LANCL2: variants seen among roughly 807,000 people sequenced by gnomAD.
The protein encoded by LANCL2 is lanC-like protein 2.
LANCL2 carries 33 observed loss-of-function variants against 56.9 expected under a neutral mutation model. That is an observed-to-expected ratio of 0.58 (90% confidence interval 0.44 to 0.78). LANCL2 has a LOEUF of 0.78. Among genes scored for constraint, LANCL2 ranks in the 30% least tolerant of loss-of-function variants. The pLI, the probability that LANCL2 is intolerant of heterozygous loss-of-function variation, is 0.00. For synonymous variants in LANCL2, 233 were observed against 228.2 expected (o/e 1.02, Z -0.19); for missense variants, 562 against 580.2 (o/e 0.97, Z 0.32).
intron 7 of LANCL2, 197 bp from the exon 8 acceptor site, chr7:55,428,178 A>G (rs1790685987): frequency 3.3e-6 from 2 of 604,076 alleles, no homozygotes; most frequent in African/African-American, 1.9e-5. Context: ...CCCACTCTAC[A>G]GCTGAGGCAG....
rs1414694862 is a variant in LANCL2 at position 55,432,782 on chromosome 7, G to C, written c.*1462G>C. 4 of 152,206 alleles carry C rather than the reference G, an allele frequency of 2.6e-5. No individual in the cohort carries two copies. The highest frequency in any genetic ancestry group is 6.5e-5 in the Admixed American group (1 of 15,276). The allele number at this position is 152,206 out of a possible 1,614,324, so 9.4% of individuals were successfully genotyped here. ...ATTCAGCTTCTAAACGATGCCTGGAGAGTCTGTTTGCTGCAGACACCCTTG... is the reference window on the plus strand; with the variant it reads ...ATTCAGCTTCTAAACGATGCCTGGACAGTCTGTTTGCTGCAGACACCCTTG... On this transcript the variant is annotated 3_prime_UTR_variant, in exon 9 of 9. Coordinates refer to ENST00000254770, the MANE Select transcript of LANCL2 (RefSeq NM_018697.4).
At chr7:55,417,605 C>G (rs1486960303) in intron 6 of LANCL2, among the ~76,000 whole-genome samples, 1 of 152,174 alleles carries the variant, frequency 6.6e-6, no homozygotes, top group Non-Finnish European at 1.5e-5. Flanking sequence ...TTGTCAGCTT[C>G]TAAAAATGGA....
chr7:55,428,172 C>T (rs1790685893), intron 7 of LANCL2: 3 of 600,570 alleles, frequency 5.0e-6, no homozygotes, highest in Non-Finnish European at 8.9e-6. Flanking sequence ...GCAGACCCCA[C>T]TCTACAGCTG....
At chr7:55,405,481 G>A (rs1790394662) in intron 5 of LANCL2, among the ~76,000 whole-genome samples, 1 of 148,370 alleles carries the variant, frequency 6.7e-6, no homozygotes, top group Admixed American at 6.7e-5. Flanking sequence ...TTTAACAGTG[G>A]TTCAGGAACT....
rs10659615 is a variant in LANCL2, at chr7:55,397,656, C to CTTTT, written c.323-749_323-746dup. 1.3e-3 allele frequency among the ~76,000 whole-genome samples: 138 copies of CTTTT among 108,588 alleles called. 2 individuals carry two copies. The highest frequency in any genetic ancestry group is 2.4e-3 in the East Asian group (9 of 3,780). The allele number at this position is 108,588 out of a possible 152,430, so 71.2% of individuals were successfully genotyped here. Reference sequence around the variant, plus strand: ...CAGTAAATACATATTTATACTGATTCTTTTTTTTTTTTTTTTTTTTTACTT... The same window carrying CTTTT: ...CAGTAAATACATATTTATACTGATTCTTTTTTTTTTTTTTTTTTTTTTTTTACTT... On this transcript the variant is annotated intron_variant, in intron 2 of 8. Transcript: ENST00000254770.
At chr7:55,401,515 CTTTTTT>C (rs58005456) in intron 5 of LANCL2, among the ~76,000 whole-genome samples, 195 bp downstream of exon 5, 1 of 58,046 alleles carries the variant, frequency 1.7e-5, no homozygotes, top group Non-Finnish European at 3.0e-5. Context: ...GGTATGGAGT[CTTTTTT>C]TTTTTTTTTT....
Position 55,428,355 on chromosome 7 carries a change from A to G in LANCL2, c.1186-20A>G, listed in dbSNP as rs767342246. 1.2e-6 allele frequency: 2 copies of G among 1,611,264 alleles called. No individual in the cohort carries two copies. The highest frequency in any genetic ancestry group is 1.7e-6 in the Non-Finnish European group (2 of 1,177,340). On this transcript the variant is annotated intron_variant, in intron 7 of 8. Transcript: ENST00000254770. ...CCAGGTAGAAACTCCAGTCTTAAAA[A>G]GAAATCCCTTTCTTTTCAGTTTGCA...
At chr7:55,402,337 C>T (rs1790344002) in intron 5 of LANCL2, among the ~76,000 whole-genome samples, 1 of 53,916 alleles carries the variant, frequency 1.9e-5, no homozygotes. Context: ...GGCGGCTGGC[C>T]GGGCAGAGGG....
intron 5 of LANCL2, among the ~76,000 whole-genome samples, chr7:55,405,962 C>T (rs1173017037): frequency 6.6e-6 from 1 of 152,134 alleles, no homozygotes; most frequent in South Asian, 2.1e-4. Context: ...GTTGTCAGTG[C>T]AGAACTACGA....
Position 55,432,328 on chromosome 7 carries a change from A to C in LANCL2, c.*1008A>C, listed in dbSNP as rs1270589889. 1 of 152,200 alleles carries C rather than the reference A, an allele frequency of 6.6e-6. No homozygotes were observed. The highest frequency in any genetic ancestry group is 1.5e-5 in the Non-Finnish European group (1 of 68,042). 9.4% of individuals were successfully genotyped at this position (152,200 alleles called of 1,614,324 possible). On this transcript the variant is annotated 3_prime_UTR_variant, in exon 9 of 9. Transcript: ENST00000254770. ...TAAATTTGGAATGAATGCATTTCCT[A>C]TTTTTTGTCTACTTTTGGGTGATAA...
At position 55,432,551 on chromosome 7, in the gene LANCL2, C is replaced by G. The variant is rs1790741401; in HGVS notation, c.*1231C>G. ...AGAGGTGGTCTGGGACTAGGTACTT[C>G]TCGTCTTGTGAGCTAAGGCTTGTGT... On this transcript the variant is annotated 3_prime_UTR_variant, in exon 9 of 9. Coordinates refer to ENST00000254770, the MANE Select transcript of LANCL2 (RefSeq NM_018697.4). The G allele has an allele frequency of 6.6e-6, 1 of 152,162 alleles. No individual in the cohort carries two copies. Among genetic ancestry groups the G allele is most frequent in the African/African-American group, 2.4e-5 (1 of 41,418 alleles). The allele number at this position is 152,162 out of a possible 1,614,324, so 9.4% of individuals were successfully genotyped here.
At chr7:55,378,609 G>A (rs1043343296) in intron 1 of LANCL2, among the ~76,000 whole-genome samples, 19 of 151,770 alleles carry the variant, frequency 1.3e-4, no homozygotes, top group African/African-American at 4.6e-4. Flanking sequence ...ATTTCTCCTG[G>A]TACAGTAATC....
intron 1 of LANCL2, among the ~76,000 whole-genome samples, chr7:55,380,429 T>A (rs1328415213): frequency 2.1e-5 from 3 of 145,232 alleles, no homozygotes; most frequent in Non-Finnish European, 4.5e-5. Context: ...TTTTTTTTTT[T>A]AACTTAAAAG....
In LANCL2 at chr7:55,365,720, G is replaced by GAGGCGCGAGC. The variant is rs1789850680; in HGVS notation, c.-301_-292dup. 3.7e-6 allele frequency: 1 copy of GAGGCGCGAGC among 270,852 alleles called. No homozygotes were observed. 16.8% of individuals were successfully genotyped at this position (270,852 alleles called of 1,614,324 possible). A position where few individuals can be genotyped will look rare whatever the true frequency, so the allele number is the denominator to read the frequency against. On this transcript the variant is annotated 5_prime_UTR_variant, in exon 1 of 9. Coordinates refer to ENST00000254770, the MANE Select transcript of LANCL2 (RefSeq NM_018697.4). The stretch of plus-strand genomic sequence containing the variant: ...CTGCGGGCCACGGGGAAGGTGCGAG[G>GAGGCGCGAGC]AGGCGCGAGCAGGCTGTGAGCCGCT...
At chr7:55,379,025 G>A (rs929293932) in intron 1 of LANCL2, among the ~76,000 whole-genome samples, 11 of 152,162 alleles carry the variant, frequency 7.2e-5, no homozygotes, top group Non-Finnish European at 1.6e-4. Context: ...CAGCTACTCG[G>A]GAAGCTGAGG....
chr7:55,379,146 T>G (rs1337999687), intron 1 of LANCL2, among the ~76,000 whole-genome samples: 1 of 139,212 alleles, frequency 7.2e-6, no homozygotes, highest in African/African-American at 2.8e-5. Flanking sequence ...CGAGACTACG[T>G]CTCAAAAAAC....
At chr7:55,405,398 C>T (rs976033192) in intron 5 of LANCL2, among the ~76,000 whole-genome samples, 24 of 152,236 alleles carry the variant, frequency 1.6e-4, no homozygotes, top group African/African-American at 5.3e-4. Flanking sequence ...TAGAGACACA[C>T]CCAGACACCA....
At chr7:55,418,443 G>A (rs1395594985) in intron 6 of LANCL2, among the ~76,000 whole-genome samples, 1 of 152,116 alleles carries the variant, frequency 6.6e-6, no homozygotes, top group Non-Finnish European at 1.5e-5. Flanking sequence ...GCCTCCCAAA[G>A]TGCTGGGATT....
chr7:55,403,304 A>G (rs1272611661), intron 5 of LANCL2, among the ~76,000 whole-genome samples: 6 of 152,262 alleles, frequency 3.9e-5, no homozygotes, highest in Non-Finnish European at 7.4e-5. Context: ...CCAGTCAGGC[A>G]TGGCGGCGCG....
Sources: allele counts gnomAD v4.1 joint callset (sites outside exome capture counted in the v4.1 genomes callset), GRCh38; gene constraint gnomAD v4.1.1; transcripts MANE v1.5; gene names NCBI Gene and HGNC (gene_info 2026-07-23, HGNC 2026-07-21).